PRIM1: variants seen among roughly 807,000 people sequenced by gnomAD.
PRIM1 encodes the protein DNA primase small subunit.
In PRIM1, 38 loss-of-function variants were observed where a neutral mutation model predicts 60.2. The ratio of observed to expected loss-of-function variants is 0.63; its 90% CI spans 0.49 to 0.83. The LOEUF (loss-of-function observed/expected upper bound fraction) is 0.83. Among genes scored for constraint, PRIM1 ranks in the 40% least tolerant of loss-of-function variants. The pLI is 0.00. For missense variants in PRIM1, 388 were observed against 506.2 expected, an observed-to-expected ratio of 0.77 and a Z score of 2.24; for synonymous variants, 158 against 160.2, an observed-to-expected ratio of 0.99 and a Z score of 0.10.
At chr12:56,736,895 G>T (rs1189445246) in intron 11 of PRIM1, among the ~76,000 whole-genome samples, 2 of 152,004 alleles carry the variant, frequency 1.3e-5, no homozygotes, top group African/African-American at 4.8e-5. Flanking sequence ...TTAACCTCCT[G>T]GGCTCAAACA....
intron 5 of PRIM1, among the ~76,000 whole-genome samples, chr12:56,744,698 T>TA (rs1478121726): frequency 6.6e-6 from 1 of 151,764 alleles, no homozygotes; most frequent in Non-Finnish European, 1.5e-5. Flanking sequence ...TATAGTAGGC[T>TA]ATACCATCTG....
At chr12:56,749,011 G>A (rs1953927949) in intron 2 of PRIM1, among the ~76,000 whole-genome samples, 1 of 151,254 alleles carries the variant, frequency 6.6e-6, no homozygotes, top group Non-Finnish European at 1.5e-5. Flanking sequence ...AGGGGGAAGG[G>A]TAGCAGAATT....
intron 2 of PRIM1, among the ~76,000 whole-genome samples, chr12:56,747,884 C>A (rs573615768): frequency 2.6e-5 from 4 of 152,064 alleles, no homozygotes; most frequent in African/African-American, 9.7e-5. Flanking sequence ...CCAATTTATA[C>A]CTCAGAACCC....
intron 10 of PRIM1, among the ~76,000 whole-genome samples, chr12:56,738,974 C>T (rs1472057621): frequency 1.3e-5 from 2 of 152,162 alleles, no homozygotes; most frequent in Admixed American, 1.3e-4. Context: ...ATTCTAAACA[C>T]CATGATCTCT....
At chr12:56,752,118 T>C (rs1389964989) in intron 1 of PRIM1, 78 bp downstream of exon 1, 11 of 1,063,996 alleles carry the variant, frequency 1.0e-5, no homozygotes, top group Non-Finnish European at 1.5e-5. Context: ...AGAAGGCGCT[T>C]CATATTGTCA....
chr12:56,746,412 C>T (rs1953907335), intron 4 of PRIM1: 1 of 656,802 alleles, frequency 1.5e-6, no homozygotes, highest in African/African-American at 1.8e-5. Flanking sequence ...GTGGGCAGAT[C>T]ACGAGGTCAG....
At position 56,743,078 on chromosome 12, in the gene PRIM1, T is replaced by A. The variant is rs1477157075; in HGVS notation, c.657A>T (p.Ile219=). 43 of 1,524,532 alleles carry A rather than the reference T, an allele frequency of 2.8e-5. No individual in the cohort carries two copies. Among genetic ancestry groups the A allele is most frequent in the Non-Finnish European group, 3.8e-5 (43 of 1,139,662 alleles). The allele number at this position is 1,524,532 out of a possible 1,614,324, so 94.4% of individuals were successfully genotyped here. ...HPFIRKSINI[I]KKYFEEYALV... ...AGGCATATTCTTCAAAGTATTTTTT[T>A]ATTATGTTTATAGATTTTCTGTAAG... The change falls in exon 7 of 13, where the codon ATA becomes ATT. Residue 219 remains isoleucine, a synonymous_variant. Transcript: ENST00000338193.
chr12:56,732,310 C>G (rs1465650988), intron 12 of PRIM1, among the ~76,000 whole-genome samples: 1 of 152,180 alleles, frequency 6.6e-6, no homozygotes, highest in Non-Finnish European at 1.5e-5. Flanking sequence ...TAATCTTGCA[C>G]TTTTCTTTCC....
At chr12:56,741,945 T>G in intron 7 of PRIM1, 108 bp from the exon 8 acceptor site, 1 of 1,055,866 alleles carries the variant, frequency 9.5e-7, no homozygotes, top group Non-Finnish European at 1.4e-6. Context: ...AAAGTAGTTA[T>G]TAACATTTCT....
At chr12:56,740,836 C>T (rs1953867608) in intron 9 of PRIM1, among the ~76,000 whole-genome samples, 2 of 151,722 alleles carry the variant, frequency 1.3e-5, no homozygotes, top group South Asian at 4.2e-4. Flanking sequence ...TTTTTTGAGA[C>T]AGGGTCTCAC....
intron 1 of PRIM1, 35 bp from the exon 2 acceptor site, chr12:56,751,230 C>T: frequency 1.4e-6 from 2 of 1,431,052 alleles, no homozygotes; most frequent in South Asian, 1.4e-5. Flanking sequence ...AGTTAATTTG[C>T]TACTTTATTT....
chr12:56,737,185 A>T (rs1953839167), intron 11 of PRIM1, among the ~76,000 whole-genome samples: 1 of 151,932 alleles, frequency 6.6e-6, no homozygotes, highest in Non-Finnish European at 1.5e-5. Context: ...TAGGTTGCGC[A>T]CTCCTTATCA....
chr12:56,735,106 C>T (rs981075600), intron 11 of PRIM1, among the ~76,000 whole-genome samples: 2 of 151,216 alleles, frequency 1.3e-5, no homozygotes, highest in Admixed American at 6.6e-5. Context: ...CCACCGCGCC[C>T]GGTCCATGCC....
At chr12:56,735,508 C>T (rs1042600662) in intron 11 of PRIM1, among the ~76,000 whole-genome samples, 1 of 152,218 alleles carries the variant, frequency 6.6e-6, no homozygotes, top group Non-Finnish European at 1.5e-5. Context: ...GATCCTCCCA[C>T]CTCAGCCTCC....
intron 4 of PRIM1, among the ~76,000 whole-genome samples, 156 bp downstream of exon 4, chr12:56,746,625 G>T (rs1329588610): frequency 9.4e-6 from 1 of 105,870 alleles, no homozygotes; most frequent in African/African-American, 3.9e-5. Context: ...AGTGAGACTC[G>T]TCACACACAC....
chr12:56,744,209 G>T (rs527838216), intron 5 of PRIM1, 86 bp from the exon 6 acceptor site: 11 of 1,039,708 alleles, frequency 1.1e-5, no homozygotes, highest in Non-Finnish European at 1.4e-5. Context: ...AGTCATGATG[G>T]ACTGCATATA....
chr12:56,733,087 T>G (rs1007031429), intron 12 of PRIM1, among the ~76,000 whole-genome samples: 5 of 151,166 alleles, frequency 3.3e-5, no homozygotes, highest in African/African-American at 1.2e-4. Context: ...ACTCCTGACC[T>G]CAGGTGATCC....
intron 12 of PRIM1, 62 bp downstream of exon 12, chr12:56,734,085 A>G (rs1953804646): frequency 2.5e-6 from 3 of 1,181,162 alleles, no homozygotes. Context: ...GAACTCAAAA[A>G]TTGCTCATTT....
chr12:56,745,287 T>C (rs1300629289), intron 5 of PRIM1, among the ~76,000 whole-genome samples: 1 of 151,964 alleles, frequency 6.6e-6, no homozygotes, highest in Non-Finnish European at 1.5e-5. Context: ...GGCGCATGCC[T>C]TTAGTCCCAG....
Sources: allele counts gnomAD v4.1 joint callset (sites outside exome capture counted in the v4.1 genomes callset), GRCh38; gene constraint gnomAD v4.1.1; transcripts MANE v1.5; gene names NCBI Gene and HGNC (gene_info 2026-07-23, HGNC 2026-07-21).